The following MCTP1 variants were observed in gnomAD, a reference collection of about 807,000 sequenced individuals.
The protein encoded by MCTP1 is multiple C2 and transmembrane domain containing 1, also known as multiple C2 and transmembrane domain-containing protein 1.
MCTP1 carries 69 observed loss-of-function variants against 120.6 expected under a neutral mutation model. The ratio of observed to expected loss-of-function variants is 0.57; its 90% confidence interval spans 0.47 to 0.70. The LOEUF (loss-of-function observed/expected upper bound fraction) is 0.70. Ranked by LOEUF, MCTP1 falls within the 30% of genes least tolerant of loss-of-function variation. The pLI is 0.00. For missense variants in MCTP1, 1,203 were observed against 1,248.8 expected (o/e 0.96, Z 0.55); for synonymous variants, 529 against 493.1 (o/e 1.07, Z -0.96).
At chr5:95,253,195 C>T (rs936688718) in intron 1 of MCTP1, among the ~76,000 whole-genome samples, 1 of 152,108 alleles carries the variant, frequency 6.6e-6, no homozygotes, top group African/African-American at 2.4e-5. Context: ...GGTGAGAACA[C>T]ATAAGGTGGA....
chr5:94,912,011 G>A (rs1422056765), intron 9 of MCTP1, among the ~76,000 whole-genome samples: 1 of 152,122 alleles, frequency 6.6e-6, no homozygotes, highest in Non-Finnish European at 1.5e-5. Flanking sequence ...AAGATATGGA[G>A]AGACAAAGTA....
At chr5:94,801,139 T>G (rs1405399911) in intron 17 of MCTP1, among the ~76,000 whole-genome samples, 1 of 152,196 alleles carries the variant, frequency 6.6e-6, no homozygotes, top group Non-Finnish European at 1.5e-5. Context: ...TATATTTATT[T>G]GTAGCATTTA....
At chr5:95,217,912 T>C (rs903377204) in intron 1 of MCTP1, among the ~76,000 whole-genome samples, 6 of 152,290 alleles carry the variant, frequency 3.9e-5, no homozygotes, top group African/African-American at 1.2e-4. Context: ...ATCATGATCC[T>C]GGACCTCTTA....
chr5:94,791,384 A>G (rs530016176), intron 18 of MCTP1, among the ~76,000 whole-genome samples: 39 of 151,868 alleles, frequency 2.6e-4, no homozygotes, highest in Non-Finnish European at 5.1e-4. Flanking sequence ...TGTCCCAGCT[A>G]GGCAGGAGGC....
chr5:95,154,770 TAC>T (rs1554216663), intron 1 of MCTP1, among the ~76,000 whole-genome samples: 2 of 152,060 alleles, frequency 1.3e-5, no homozygotes, highest in Non-Finnish European at 2.9e-5. Flanking sequence ...TTTTATAATA[TAC>T]CTTTCATAAT....
chr5:94,923,994 A>G lies in MCTP1; in HGVS notation c.1240T>C (p.Ser414Pro). 6.6e-7 allele frequency: 1 copy of G among 1,517,960 alleles called. No individual in the cohort carries two copies. 94.0% of individuals were successfully genotyped at this position (1,517,960 alleles called of 1,614,324 possible). A position where few individuals can be genotyped will look rare whatever the true frequency, so the allele number is the denominator to read the frequency against. The change falls in exon 7 of 23, where the codon TCT (serine) becomes CCT (proline). Residue 414 changes from serine (S) to proline (P), a missense_variant. Physicochemically the swap from Ser to Pro is moderately conservative, Grantham distance 74. Around this residue, in one of 2 missense-constraint regions of MCTP1, gnomAD observed 740 missense variants for 871.1 expected, o/e 0.85. Coordinates refer to ENST00000515393, the MANE Select transcript of MCTP1 (RefSeq NM_024717.7). ...AAGAGAGACTTCACAGAGAAATAAG[A>G]TCCAACCACTTCATTTTCTGAAAGT... is the stretch of plus-strand genomic sequence containing the variant. The part of the protein sequence containing the change: ...KELSENEVVG[S>P]YFSVKSLFWR...
intron 1 of MCTP1, among the ~76,000 whole-genome samples, chr5:95,194,143 G>A (rs1750124055): frequency 6.6e-6 from 1 of 152,128 alleles, no homozygotes; most frequent in South Asian, 2.1e-4. Flanking sequence ...TTGAGCCCAG[G>A]AGTCTGAGCC....
chr5:95,135,108 T>C (rs1437040146), intron 1 of MCTP1, among the ~76,000 whole-genome samples: 2 of 142,382 alleles, frequency 1.4e-5, no homozygotes, highest in Non-Finnish European at 3.0e-5. Flanking sequence ...TTTCACTAGA[T>C]CAGGCATAGT....
intron 19 of MCTP1, among the ~76,000 whole-genome samples, chr5:94,754,347 C>T (rs552478663): frequency 6.6e-6 from 1 of 152,254 alleles, no homozygotes; most frequent in East Asian, 1.9e-4. Context: ...ACATCATTTC[C>T]TCAGTGGACT....
chr5:94,755,775 T>C (rs771319355), intron 19 of MCTP1, among the ~76,000 whole-genome samples: 1 of 152,172 alleles, frequency 6.6e-6, no homozygotes, highest in African/African-American at 2.4e-5. Context: ...CTTCCTCTCA[T>C]ACTCAACTTC....
chr5:94,790,337 T>C (rs1024385391), intron 18 of MCTP1, among the ~76,000 whole-genome samples: 1 of 152,140 alleles, frequency 6.6e-6, no homozygotes, highest in African/African-American at 2.4e-5. Flanking sequence ...GCTCAACCAG[T>C]GGGTGCGGCA....
intron 17 of MCTP1, among the ~76,000 whole-genome samples, chr5:94,833,939 G>A (rs1789121785): frequency 6.6e-6 from 1 of 152,070 alleles, no homozygotes; most frequent in Admixed American, 6.6e-5. Context: ...ATTTCTTCAG[G>A]GAAAGACATC....
chr5:94,737,735 G>A (rs1331627394), intron 19 of MCTP1, among the ~76,000 whole-genome samples: 1 of 152,196 alleles, frequency 6.6e-6, no homozygotes, highest in South Asian at 2.1e-4. Context: ...GAGTCCCGTG[G>A]TGCGATCTTG....
rs138010365 is a variant in MCTP1 at position 95,157,181 on chromosome 5, A to G, written c.720+126675T>C. 1.5e-3 allele frequency among the ~76,000 whole-genome samples: 222 copies of G among 152,344 alleles called. 1 individual carries two copies. The highest frequency in any genetic ancestry group is 5.1e-3 in the African/African-American group (214 of 41,586). ...ACTCATTTGGGTTAAAATAGTCTTC[A>G]GAAAGACTATGAAAATCCAAATATA... is the stretch of plus-strand genomic sequence containing the variant. On this transcript the variant is annotated intron_variant, in intron 1 of 22. Transcript: ENST00000515393.
chr5:95,062,363 C>T (rs1749458653), intron 1 of MCTP1, among the ~76,000 whole-genome samples: 1 of 152,120 alleles, frequency 6.6e-6, no homozygotes, highest in African/African-American at 2.4e-5. Context: ...AGTATTATGG[C>T]TTATTTCACC....
intron 1 of MCTP1, chr5:95,068,944 G>T: frequency 2.3e-5 from 7 of 309,734 alleles, no homozygotes; most frequent in South Asian, 3.5e-5. Flanking sequence ...GGGGAAGATT[G>T]TGAGCAGGTA....
intron 22 of MCTP1, 37 bp from the exon 23 acceptor site, chr5:94,707,604 G>A: frequency 2.0e-6 from 3 of 1,523,504 alleles, no homozygotes; most frequent in Non-Finnish European, 2.7e-6. Context: ...CTGGTCAGGT[G>A]GCCACTTTCT....
intron 1 of MCTP1, among the ~76,000 whole-genome samples, chr5:95,159,587 A>T (rs938008180): frequency 6.6e-6 from 1 of 152,218 alleles, no homozygotes; most frequent in Non-Finnish European, 1.5e-5. Flanking sequence ...AAATGTGAGT[A>T]TGTACCAGAT....
intron 1 of MCTP1, among the ~76,000 whole-genome samples, chr5:95,025,494 G>C (rs764473612): frequency 3.9e-5 from 6 of 152,170 alleles, no homozygotes; most frequent in Non-Finnish European, 8.8e-5. Flanking sequence ...AAAGTACAAA[G>C]TTTTAAGTTG....
Sources: gnomAD v4.1 joint callset for allele counts (sites outside exome capture counted in the v4.1 genomes callset) on GRCh38, gnomAD v4.1.1 for gene constraint, gnomAD v4.1.1 regional missense constraint, MANE v1.5 for transcripts, NCBI Gene and HGNC (gene_info 2026-07-23, HGNC 2026-07-21) for gene names.